CCSER1: variants seen among roughly 807,000 people sequenced by gnomAD.
The protein encoded by CCSER1 is serine-rich coiled-coil domain-containing protein 1.
In CCSER1, 41 loss-of-function variants were observed where a neutral mutation model predicts 82.0. The ratio of observed to expected loss-of-function variants is 0.50; its 90% CI spans 0.39 to 0.65. CCSER1 has a LOEUF of 0.65. CCSER1 is among the 30% of genes least tolerant of loss of function. The pLI is 0.00. For missense variants in CCSER1, 1,119 were observed against 1,064.2 expected, an observed-to-expected ratio of 1.05 and a Z score of -0.72; for synonymous variants, 414 against 383.9, an observed-to-expected ratio of 1.08 and a Z score of -0.92.
chr4:90,283,766 T>C (rs543628057), intron 1 of CCSER1, among the ~76,000 whole-genome samples: 1 of 152,212 alleles, frequency 6.6e-6, no homozygotes, highest in East Asian at 1.9e-4. Context: ...TCTTGGCTCT[T>C]GTGAATAGGG....
intron 6 of CCSER1, among the ~76,000 whole-genome samples, chr4:90,637,949 C>A (rs60410989): frequency 2.5e-3 from 384 of 152,216 alleles, no homozygotes; most frequent in African/African-American, 8.8e-3. Context: ...GTGAATATAA[C>A]TCTCTTAAAT....
rs183343978 is a variant in CCSER1 at position 90,161,695 on chromosome 4, A to G, written c.-42+33864A>G. ...TGAATCAGTGTGAATTAATAATAAT[A>G]GGTAAAACGTGGGTTTAAAACTTGA... On this transcript the variant is annotated intron_variant, in intron 1 of 10. Coordinates refer to ENST00000509176, the MANE Select transcript of CCSER1 (RefSeq NM_001145065.2). Among the ~76,000 whole-genome samples, 44 of 152,300 alleles carry G rather than the reference A, an allele frequency of 2.9e-4. No individual in the cohort carries two copies. In the East Asian group the frequency reaches 6.9e-3, roughly 24 times the overall value.
intron 10 of CCSER1, among the ~76,000 whole-genome samples, chr4:91,275,104 TAAA>T (rs527417495): frequency 1.4e-5 from 2 of 143,346 alleles, no homozygotes; most frequent in Admixed American, 7.0e-5. Flanking sequence ...AGACTCCGTC[TAAA>T]AAAAAAAAAG....
intron 10 of CCSER1, among the ~76,000 whole-genome samples, chr4:91,528,275 G>C (rs1016844941): frequency 3.3e-5 from 5 of 152,082 alleles, no homozygotes. Flanking sequence ...CATAGTGGTT[G>C]CCTTGTTAAT....
chr4:91,132,197 G>T (rs1728057258), intron 10 of CCSER1, among the ~76,000 whole-genome samples: 1 of 152,048 alleles, frequency 6.6e-6, no homozygotes, highest in South Asian at 2.1e-4. Flanking sequence ...TTCTATTAAA[G>T]AAATGAGTTT....
intron 9 of CCSER1, among the ~76,000 whole-genome samples, chr4:91,018,088 G>A (rs4693252): frequency 0.92 from 139,648 of 152,132 alleles, 64,243 homozygotes; most frequent in Non-Finnish European, 0.95. Context: ...ACTATCAAAT[G>A]ATTGTGTTTT....
chr4:91,054,879 A>G (rs2148718520), intron 9 of CCSER1, among the ~76,000 whole-genome samples: 1 of 152,262 alleles, frequency 6.6e-6, no homozygotes, highest in Admixed American at 6.5e-5. Flanking sequence ...CAGATTTAGA[A>G]TTTTCAAATT....
At chr4:90,452,867 G>A (rs1264566214) in intron 4 of CCSER1, among the ~76,000 whole-genome samples, 1 of 152,106 alleles carries the variant, frequency 6.6e-6, no homozygotes, top group Non-Finnish European at 1.5e-5. Context: ...TCTTCACCTA[G>A]TGCCTGGGTC....
At chr4:91,174,763 T>C (rs1216564162) in intron 10 of CCSER1, among the ~76,000 whole-genome samples, 1 of 152,076 alleles carries the variant, frequency 6.6e-6, no homozygotes, top group Non-Finnish European at 1.5e-5. Context: ...ATGTATTCAT[T>C]TCATATTATT....
At chr4:90,408,211 G>C (rs1239420606) in intron 4 of CCSER1, among the ~76,000 whole-genome samples, 1 of 152,168 alleles carries the variant, frequency 6.6e-6, no homozygotes, top group Middle Eastern at 3.2e-3. Context: ...ATGGGGGCAG[G>C]GCACAGACAA....
intron 6 of CCSER1, among the ~76,000 whole-genome samples, chr4:90,717,462 G>C (rs1741827208): frequency 6.6e-6 from 1 of 152,166 alleles, no homozygotes; most frequent in African/African-American, 2.4e-5. Flanking sequence ...GGGTAGTCCA[G>C]ATTTAGAGAT....
At chr4:90,876,943 A>G (rs1767290824) in intron 8 of CCSER1, among the ~76,000 whole-genome samples, 1 of 152,074 alleles carries the variant, frequency 6.6e-6, no homozygotes, top group Admixed American at 6.6e-5. Context: ...TGTTTCATGT[A>G]TGACTCATCT....
At chr4:90,820,390 C>T (rs1437590185) in intron 8 of CCSER1, among the ~76,000 whole-genome samples, 1 of 152,100 alleles carries the variant, frequency 6.6e-6, no homozygotes, top group African/African-American at 2.4e-5. Flanking sequence ...AGTTCAAGAT[C>T]AAGGAGCTAG....
intron 5 of CCSER1, among the ~76,000 whole-genome samples, chr4:90,499,470 T>C (rs1263708354): frequency 6.6e-6 from 1 of 152,226 alleles, no homozygotes; most frequent in Non-Finnish European, 1.5e-5. Context: ...CACTAGTTAA[T>C]GGTGCTTGAA....
chr4:90,793,861 C>T (rs2149672102), intron 7 of CCSER1, among the ~76,000 whole-genome samples: 1 of 152,048 alleles, frequency 6.6e-6, no homozygotes, highest in South Asian at 2.1e-4. Flanking sequence ...TAACACATAC[C>T]ATTCTGTGAG....
Position 91,074,795 on chromosome 4 carries a change from C to G in CCSER1, c.2173-11155C>G, listed in dbSNP as rs115331746. 9.6e-3 allele frequency among the ~76,000 whole-genome samples: 1,461 copies of G among 152,226 alleles called. 24 individuals are homozygous for G. The highest frequency in any genetic ancestry group is 0.033 in the African/African-American group (1,383 of 41,552). On this transcript the variant is annotated intron_variant, in intron 9 of 10. Transcript: ENST00000509176. ...TAAAAAGTCACACAGTTACTTGAAG[C>G]CTTTTAAAAATTATTATTTTATTCA...
At chr4:90,444,436 T>C (rs1201393330) in intron 4 of CCSER1, among the ~76,000 whole-genome samples, 2 of 152,114 alleles carry the variant, frequency 1.3e-5, no homozygotes, top group East Asian at 3.8e-4. Flanking sequence ...TAGCTATTTT[T>C]AGTTGGTTTC....
In CCSER1 at chr4:91,602,720, C is replaced by T. The variant is rs1437620454; in HGVS notation, c.*3663C>T. ...AAGATTCCATTGAAACATATACACA[C>T]AGATGAAACTAGAAAAGAAAGGGCA... On this transcript the variant is annotated 3_prime_UTR_variant, in exon 11 of 11. Transcript: ENST00000509176. 6.6e-6 allele frequency among the ~76,000 whole-genome samples: 1 copy of T among 151,918 alleles called. No homozygotes were observed. The highest frequency in any genetic ancestry group is 1.5e-5 in the Non-Finnish European group (1 of 67,906).
At chr4:91,411,705 T>G (rs1753060982) in intron 10 of CCSER1, among the ~76,000 whole-genome samples, 1 of 127,226 alleles carries the variant, frequency 7.9e-6, no homozygotes, top group African/African-American at 2.8e-5. Flanking sequence ...AGGGTTTTCA[T>G]TTTTTTTTTT....
Sources: gnomAD v4.1 joint callset for allele counts (sites outside exome capture counted in the v4.1 genomes callset) on GRCh38, gnomAD v4.1.1 for gene constraint, MANE v1.5 for transcripts, NCBI Gene and HGNC (gene_info 2026-07-23, HGNC 2026-07-21) for gene names.